RIMS3: variants seen among roughly 807,000 people sequenced by gnomAD.
RIMS3 encodes the protein regulating synaptic membrane exocytosis protein 3.
Under a neutral mutation model 29.2 loss-of-function variants are expected in RIMS3, and 15 were observed. The ratio of observed to expected loss-of-function variants is 0.51; its 90% CI spans 0.34 to 0.79. RIMS3 has a LOEUF of 0.79. Ranked by LOEUF, RIMS3 falls within the 30% of genes least tolerant of loss-of-function variation. The pLI, the probability that RIMS3 is intolerant of heterozygous loss-of-function variation, is 0.01. For synonymous variants in RIMS3, 161 were observed against 170.1 expected, an observed-to-expected ratio of 0.95 and a Z score of 0.41; for missense variants, 342 against 421.4, an observed-to-expected ratio of 0.81 and a Z score of 1.65.
chr1:40,678,991 T>G, the RIMS3 span, among the ~76,000 whole-genome samples: 2 of 152,258 alleles, frequency 1.3e-5, no homozygotes, highest in South Asian at 4.1e-4. Flanking sequence ...TGCAAGAAGT[T>G]CTAACACTCC....
chr1:40,625,496 G>A lies in RIMS3; in HGVS notation c.*1021C>T, dbSNP rs545785003. The A allele has an allele frequency of 6.6e-6, 1 of 152,482 alleles. No homozygotes were observed. Among genetic ancestry groups the A allele is most frequent in the South Asian group, 2.1e-4 (1 of 4,830 alleles). 9.4% of individuals were successfully genotyped at this position (152,482 alleles called of 1,614,324 possible). A position where few individuals can be genotyped will look rare whatever the true frequency, so the allele number is the denominator to read the frequency against. On this transcript the variant is annotated 3_prime_UTR_variant, in exon 8 of 8. Coordinates refer to ENST00000372684, the MANE Select transcript of RIMS3 (RefSeq NM_014747.3). ...AGATGGGATCCTCAACAGTGGCGGG[G>A]AACAACTCAGCCTCAGCCCTCCTTA...
chr1:40,684,962 T>G, the RIMS3 span, among the ~76,000 whole-genome samples: 1 of 152,186 alleles, frequency 6.6e-6, no homozygotes, highest in Admixed American at 6.6e-5. Flanking sequence ...TGTTTGTAAC[T>G]TGATGGCCTC....
chr1:40,690,606 T>C, the RIMS3 span: 4 of 152,224 alleles, frequency 2.6e-5, no homozygotes, highest in Non-Finnish European at 5.9e-5. Flanking sequence ...CATTCATTCA[T>C]CAAATAGAGT....
chr1:40,626,395 T>G lies in RIMS3; in HGVS notation c.*122A>C, dbSNP rs1646454267. 1 of 917,262 alleles carries G rather than the reference T, an allele frequency of 1.1e-6. No homozygotes were observed. Among genetic ancestry groups the G allele is most frequent in the Non-Finnish European group, 1.7e-6 (1 of 581,328 alleles). 56.8% of individuals were successfully genotyped at this position (917,262 alleles called of 1,614,324 possible). ...CCACTGCCAGCTGGGATGAGCCCAG[T>G]AGCCAACAGGCATGCAGCAGGACAA... is the stretch of plus-strand genomic sequence containing the variant. On this transcript the variant is annotated 3_prime_UTR_variant, in exon 8 of 8. Transcript: ENST00000372684.
rs1553143634 is a variant in RIMS3, at chr1:40,637,497, T to TACACACACACATAC, written c.218-1441_218-1440insGTATGTGTGTGTGT. Among the ~76,000 whole-genome samples the TACACACACACATAC allele has an allele frequency of 1.6e-4, 24 of 151,746 alleles. 1 individual carries two copies. The highest frequency in any genetic ancestry group is 5.8e-4 in the African/African-American group (24 of 41,330). ...TCAACATGTCAGTCTGTCTCTCTCA[T>TACACACACACATAC]ACACACACACACAGAGTCACATTAG... On this transcript the variant is annotated intron_variant, in intron 3 of 7. Coordinates refer to ENST00000372684, the MANE Select transcript of RIMS3 (RefSeq NM_014747.3).
At chr1:40,671,530 TAGTG>T in the RIMS3 span, among the ~76,000 whole-genome samples, 1 of 152,128 alleles carries the variant, frequency 6.6e-6, no homozygotes. Context: ...CTTCTCATTA[TAGTG>T]AGTGAGTTCT....
the RIMS3 span, among the ~76,000 whole-genome samples, chr1:40,674,370 C>A: frequency 6.6e-6 from 1 of 152,188 alleles, no homozygotes; most frequent in Non-Finnish European, 1.5e-5. Flanking sequence ...AGACCACAAA[C>A]CCTGCTGGGG....
the RIMS3 span, among the ~76,000 whole-genome samples, chr1:40,682,792 G>C: frequency 9.0e-6 from 1 of 110,728 alleles, no homozygotes; most frequent in Non-Finnish European, 1.8e-5. Context: ...CCAGGCTGGA[G>C]TGCAGTGGTG....
chr1:40,640,760 G>A (rs539827235), intron 3 of RIMS3, among the ~76,000 whole-genome samples: 4 of 152,348 alleles, frequency 2.6e-5, no homozygotes, highest in Admixed American at 2.6e-4. Context: ...CTGCAGCTAG[G>A]TGTCTGAAAA....
chr1:40,691,830 G>C, the RIMS3 span: 1 of 435,570 alleles, frequency 2.3e-6, no homozygotes, highest in Non-Finnish European at 4.6e-6. Context: ...GTAGGAGCGC[G>C]GGGGCGGCTC....
chr1:40,647,236 C>T (rs1417485384), intron 2 of RIMS3, among the ~76,000 whole-genome samples: 1 of 152,094 alleles, frequency 6.6e-6, no homozygotes, highest in Non-Finnish European at 1.5e-5. Flanking sequence ...AACCTAGCCA[C>T]CCACCTTTCC....
intron 4 of RIMS3, 118 bp from the exon 5 acceptor site, chr1:40,633,299 GT>G: frequency 1.4e-6 from 1 of 703,200 alleles, no homozygotes. Context: ...CTGTGCCTCA[GT>G]TTCTCCTCTA....
intron 5 of RIMS3, among the ~76,000 whole-genome samples, chr1:40,630,721 T>C (rs1007526939): frequency 5.9e-5 from 9 of 152,154 alleles, no homozygotes; most frequent in African/African-American, 1.9e-4. Flanking sequence ...CACACACGAA[T>C]GGTCCCGGCT....
chr1:40,637,353 G>T (rs1446830424), intron 3 of RIMS3, among the ~76,000 whole-genome samples: 1 of 152,206 alleles, frequency 6.6e-6, no homozygotes, highest in Non-Finnish European at 1.5e-5. Flanking sequence ...ACTAGTGGAT[G>T]GAAGGGTGGG....
chr1:40,636,016 T>A lies in RIMS3; in HGVS notation c.259A>T (p.Thr87Ser). Residue 87 changes from threonine to serine, a missense_variant, in exon 4 of 8, where the codon ACG (threonine) becomes TCG (serine). Thr to Ser is a moderately conservative substitution (Grantham distance 58). Transcript: ENST00000372684. The surrounding 1 kb of genome is among the most constrained non-coding windows in gnomAD (Gnocchi z 4.2). ...ATCTCCACCGCGATGCCTGTCTCCG[T>A]GCTCCGGCGGATGTTGCTGCGCAGC... ...KKLRSNIRRS[T>S]ETGIAVEMRS... The A allele has an allele frequency of 6.2e-7, 1 of 1,607,858 alleles. No individual in the cohort carries two copies. The highest frequency in any genetic ancestry group is 8.5e-7 in the Non-Finnish European group (1 of 1,179,964).
At chr1:40,641,498 T>A (rs543644750) in intron 3 of RIMS3, among the ~76,000 whole-genome samples, 2 of 152,324 alleles carry the variant, frequency 1.3e-5, no homozygotes, top group East Asian at 3.9e-4. Flanking sequence ...ACCTCCCTTT[T>A]CTGTTCTTTG....
the RIMS3 span, among the ~76,000 whole-genome samples, chr1:40,689,934 C>T: frequency 6.6e-6 from 1 of 152,174 alleles, no homozygotes; most frequent in African/African-American, 2.4e-5. Flanking sequence ...CTAGCACAGA[C>T]GTATACCTCC....
At chr1:40,637,955 A>G (rs1646531491) in intron 3 of RIMS3, among the ~76,000 whole-genome samples, 1 of 152,124 alleles carries the variant, frequency 6.6e-6, no homozygotes, top group Non-Finnish European at 1.5e-5. Context: ...CCCACAACAC[A>G]CAGCCTGAGT....
intron 1 of RIMS3, among the ~76,000 whole-genome samples, chr1:40,652,636 A>G (rs1279087704): frequency 1.3e-5 from 2 of 152,172 alleles, no homozygotes; most frequent in Admixed American, 6.5e-5. Context: ...GCAGTTGGAG[A>G]GGAGGTAGGT....
Sources: gnomAD v4.1 joint callset for allele counts (sites outside exome capture counted in the v4.1 genomes callset) on GRCh38, gnomAD v4.1.1 for gene constraint, Gnocchi (gnomAD v3.1) non-coding constraint, MANE v1.5 for transcripts, NCBI Gene and HGNC (gene_info 2026-07-23, HGNC 2026-07-21) for gene names.